Variants in TRPM3 observed in about 807,000 individuals in gnomAD.
TRPM3 encodes the protein transient receptor potential cation channel subfamily M member 3.
Under a neutral mutation model 181.2 loss-of-function variants are expected in TRPM3, and 77 were observed. The observed-to-expected ratio is 0.42, with a 90% confidence interval of 0.35 to 0.51. The LOEUF is 0.51. Ranked by LOEUF, TRPM3 falls within the 20% of genes least tolerant of loss-of-function variation. The pLI, the probability that TRPM3 is intolerant of heterozygous loss-of-function variation, is 0.01. For missense variants in TRPM3, 1,759 were observed against 2,196.7 expected (o/e 0.80, Z 3.98); for synonymous variants, 745 against 796.4 (o/e 0.94, Z 1.09).
chr9:71,230,150 C>T (rs2080953799), intron 1 of TRPM3, among the ~76,000 whole-genome samples: 1 of 152,112 alleles, frequency 6.6e-6, no homozygotes, highest in Non-Finnish European at 1.5e-5. Context: ...AAATGAGATT[C>T]TGTCATTTGC....
chr9:70,863,807 T>A (rs1421420467), intron 2 of TRPM3, among the ~76,000 whole-genome samples: 3 of 152,118 alleles, frequency 2.0e-5, no homozygotes, highest in African/African-American at 4.8e-5. Context: ...ATTGTATAGA[T>A]GAAATATTGT....
At chr9:71,285,349 T>C (rs1165861125) in intron 1 of TRPM3, among the ~76,000 whole-genome samples, 4 of 152,244 alleles carry the variant, frequency 2.6e-5, no homozygotes, top group South Asian at 2.1e-4. Flanking sequence ...AGCTGCACTA[T>C]GTAAAGAGAT....
intron 1 of TRPM3, among the ~76,000 whole-genome samples, chr9:70,952,055 C>T (rs927465664): frequency 6.6e-6 from 1 of 152,132 alleles, no homozygotes. Flanking sequence ...AATGCAATGC[C>T]CTGGTTTGAA....
intron 1 of TRPM3, among the ~76,000 whole-genome samples, chr9:71,110,439 G>A (rs913772441): frequency 2.6e-5 from 4 of 152,216 alleles, no homozygotes; most frequent in African/African-American, 9.6e-5. Flanking sequence ...AAACAGCTAT[G>A]CTCCTTTGTT....
intron 5 of TRPM3, among the ~76,000 whole-genome samples, chr9:70,838,841 T>C (rs757327820): frequency 2.0e-5 from 3 of 152,158 alleles, no homozygotes; most frequent in Admixed American, 6.6e-5. Context: ...GTTCGATCTA[T>C]TAATTGAGAA....
At chr9:71,236,699 G>A (rs2081368956) in intron 1 of TRPM3, among the ~76,000 whole-genome samples, 1 of 152,154 alleles carries the variant, frequency 6.6e-6, no homozygotes, top group Non-Finnish European at 1.5e-5. Context: ...TAAGATAAAT[G>A]TAGGCATGTG....
chr9:71,427,562 T>C (rs185147195), intron 1 of TRPM3, among the ~76,000 whole-genome samples: 13 of 152,306 alleles, frequency 8.5e-5, no homozygotes, highest in Admixed American at 7.2e-4. Context: ...ATAAATATCA[T>C]GGAATACTAT....
At chr9:71,047,810 T>TCTCACA (rs1301276820) in intron 1 of TRPM3, among the ~76,000 whole-genome samples, 30 of 141,530 alleles carry the variant, frequency 2.1e-4, no homozygotes, top group Admixed American at 9.2e-4. Flanking sequence ...ACTGGCTGCA[T>TCTCACA]CACACACACA....
chr9:71,177,006 C>T (rs2077136780), intron 1 of TRPM3, among the ~76,000 whole-genome samples: 1 of 152,102 alleles, frequency 6.6e-6, no homozygotes, highest in East Asian at 1.9e-4. Context: ...AGCGAAGCTT[C>T]ATCTGTATTT....
intron 22 of TRPM3, among the ~76,000 whole-genome samples, chr9:70,581,460 C>T (rs1301131269): frequency 5.9e-5 from 9 of 152,258 alleles, no homozygotes; most frequent in Non-Finnish European, 8.8e-5. Flanking sequence ...GAGCATCTTC[C>T]TTTCCCTTAC....
intron 1 of TRPM3, among the ~76,000 whole-genome samples, chr9:71,169,783 C>T (rs1252740123): frequency 6.6e-6 from 1 of 151,678 alleles, no homozygotes; most frequent in African/African-American, 2.4e-5. Context: ...GGCGAAACCC[C>T]TTCTCGGTTT....
At chr9:71,106,870 C>T (rs557553446) in intron 1 of TRPM3, among the ~76,000 whole-genome samples, 2 of 152,118 alleles carry the variant, frequency 1.3e-5, no homozygotes, top group African/African-American at 2.4e-5. Flanking sequence ...CCAGGGGGTA[C>T]AAAAAAGGGA....
At chr9:71,069,571 A>G (rs2062427513) in intron 1 of TRPM3, among the ~76,000 whole-genome samples, 1 of 151,422 alleles carries the variant, frequency 6.6e-6, no homozygotes, top group Admixed American at 6.6e-5. Context: ...TAGGACAGGT[A>G]GGAATAGGAG....
chr9:71,027,021 T>A (rs1019847886), intron 1 of TRPM3, among the ~76,000 whole-genome samples: 1 of 152,158 alleles, frequency 6.6e-6, no homozygotes, highest in African/African-American at 2.4e-5. Flanking sequence ...GGATGAATCC[T>A]GCTGCCACCA....
At position 70,536,318 on chromosome 9, in the gene TRPM3, C is replaced by G. The variant is rs1266193737; in HGVS notation, c.4795G>C (p.Glu1599Gln). The change falls in exon 26 of 26, where the codon GAA (glutamate) becomes CAA (glutamine). Residue 1599 changes from glutamate (E) to glutamine (Q), a missense_variant. By Grantham distance (29) the Glu-to-Gln change is conservative (BLOSUM62 2). This residue lies in a region of TRPM3 where 612 missense variants were observed against 590.0 expected (regional missense o/e 1.04). Coordinates refer to ENST00000677713, the MANE Select transcript of TRPM3 (RefSeq NM_001366145.2). ...EDLTCCHPER[E>Q]AELSHPSSDS... ...GAGCTGGGGTGACTCAGTTCTGCTT[C>G]TCGCTCTGGATGGCAGCAAGTTAAG... 4 of 1,614,166 alleles carry G rather than the reference C, an allele frequency of 2.5e-6. No homozygotes were observed. The Admixed American group carries it at 6.7e-5, about 27-fold the overall frequency.
In TRPM3 at chr9:71,209,581, T is replaced by G. The variant is rs2079350460; in HGVS notation, c.183+237072A>C. 2.0e-5 allele frequency among the ~76,000 whole-genome samples: 3 copies of G among 152,092 alleles called. No individual in the cohort carries two copies. The South Asian group carries it at 6.2e-4, about 32-fold the overall frequency. On this transcript the variant is annotated intron_variant, in intron 1 of 24. Transcript: ENST00000357533. ...AAAAACAGCAGTAAGCTTGGCAAAATTTGAGAGAGAGGCAAAGAGCACCTG... is the reference window on the plus strand; with the variant it reads ...AAAAACAGCAGTAAGCTTGGCAAAAGTTGAGAGAGAGGCAAAGAGCACCTG...
chr9:70,640,366 T>C (rs2057870239), intron 10 of TRPM3, among the ~76,000 whole-genome samples, 194 bp downstream of exon 10: 2 of 152,192 alleles, frequency 1.3e-5, no homozygotes, highest in South Asian at 4.1e-4. Context: ...TTGTGTTCAG[T>C]TGAAATTTCC....
intron 12 of TRPM3, 39 bp downstream of exon 12, chr9:70,635,172 A>C: frequency 1.9e-6 from 3 of 1,600,460 alleles, no homozygotes; most frequent in Non-Finnish European, 2.6e-6. Flanking sequence ...GGAAGCAGTC[A>C]AGACAGGGCC....
chr9:71,365,916 G>A (rs1016620925), intron 1 of TRPM3, among the ~76,000 whole-genome samples: 1 of 151,868 alleles, frequency 6.6e-6, no homozygotes, highest in African/African-American at 2.4e-5. Context: ...ATATTTAATA[G>A]TATACCCACA....
Sources: gnomAD v4.1 joint callset for allele counts (sites outside exome capture counted in the v4.1 genomes callset) on GRCh38, gnomAD v4.1.1 for gene constraint, gnomAD v4.1.1 regional missense constraint, MANE v1.5 for transcripts, NCBI Gene and HGNC (gene_info 2026-07-23, HGNC 2026-07-21) for gene names.